The following EPB41L2 variants were observed in gnomAD, a reference collection of about 807,000 sequenced individuals.
EPB41L2 encodes erythrocyte membrane protein band 4.1 like 2, also known as band 4.1-like protein 2.
Under a neutral mutation model 113.0 loss-of-function variants are expected in EPB41L2, and 43 were observed. The observed-to-expected ratio is 0.38, with a 90% confidence interval of 0.30 to 0.49. EPB41L2 has a LOEUF of 0.49. Among genes scored for constraint, EPB41L2 ranks in the 20% least tolerant of loss-of-function variants. EPB41L2 has a pLI of 0.95. For synonymous variants in EPB41L2, 442 were observed against 436.7 expected, an observed-to-expected ratio of 1.01 and a Z score of -0.15; for missense variants, 1,147 against 1,223.4, an observed-to-expected ratio of 0.94 and a Z score of 0.93.
intron 1 of EPB41L2, among the ~76,000 whole-genome samples, chr6:131,025,209 C>G (rs1225460275): frequency 6.6e-6 from 1 of 152,244 alleles, no homozygotes; most frequent in East Asian, 1.9e-4. Flanking sequence ...TGTTTCCCCC[C>G]CGGTATGACT....
chr6:130,920,698 C>T (rs771641243), intron 4 of EPB41L2, among the ~76,000 whole-genome samples: 6 of 152,014 alleles, frequency 3.9e-5, no homozygotes, highest in Non-Finnish European at 7.4e-5. Context: ...TTTCTAGAGA[C>T]AGAGTCTCAC....
intron 1 of EPB41L2, among the ~76,000 whole-genome samples, chr6:130,979,251 T>G (rs1778830262): frequency 6.6e-6 from 1 of 152,026 alleles, no homozygotes; most frequent in Admixed American, 6.6e-5. Context: ...TTTGGGAGGC[T>G]GTGGTGGGTT....
chr6:130,856,750 T>C (rs1373179595), intron 19 of EPB41L2, among the ~76,000 whole-genome samples: 3 of 152,238 alleles, frequency 2.0e-5, no homozygotes, highest in Non-Finnish European at 2.9e-5. Flanking sequence ...GTATGTGTTA[T>C]TGTGTGATAA....
At chr6:130,875,752 A>G (rs1023226117) in intron 14 of EPB41L2, among the ~76,000 whole-genome samples, 1 of 152,118 alleles carries the variant, frequency 6.6e-6, no homozygotes, top group African/African-American at 2.4e-5. Context: ...TAATCCTAGC[A>G]CTTTGGGAGA....
At chr6:130,889,694 T>G (rs1792150261) in intron 11 of EPB41L2, among the ~76,000 whole-genome samples, 2 of 152,122 alleles carry the variant, frequency 1.3e-5, no homozygotes, top group Non-Finnish European at 1.5e-5. Context: ...TAGAATTACA[T>G]TTTGCCATTA....
chr6:130,855,868 C>T lies in EPB41L2; in HGVS notation c.*5+2263G>A, dbSNP rs138560125. 3.3e-3 allele frequency among the ~76,000 whole-genome samples: 487 copies of T among 145,752 alleles called. 1 individual carries two copies. Among genetic ancestry groups the T allele is most frequent in the African/African-American group, 0.012 (465 of 38,990 alleles). ...CAAGAATGAAGAAAAAGAACACTAT[C>T]GGTGGTGGGGGGAGGGGGTGCAGGG... On this transcript the variant is annotated intron_variant, in intron 19 of 19. Coordinates refer to ENST00000337057, the MANE Select transcript of EPB41L2 (RefSeq NM_001431.4).
Position 130,869,718 on chromosome 6 carries a change from C to T in EPB41L2, c.2452G>A (p.Val818Ile), listed in dbSNP as rs1017267480. ...TCTCCGGGTATCTTTTGGGCACCTA[C>T]ATTTTCCTGGATCACTGTTTCTACT... ...ITVETVIQEN[V>I]GAQKIPGEKS... The change falls in exon 15 of 20, where the codon GTA becomes ATA. Residue 818 changes from valine (V) to isoleucine (I), a missense_variant. Physicochemically the swap from Val to Ile is conservative, Grantham distance 29 (BLOSUM62 3). Transcript: ENST00000337057. 5 of 1,614,056 alleles carry T rather than the reference C, an allele frequency of 3.1e-6. 1 individual carries two copies. In the Admixed American group the frequency reaches 5.0e-5, roughly 16 times the overall value.
At chr6:130,995,928 C>T (rs1782992012) in intron 1 of EPB41L2, among the ~76,000 whole-genome samples, 1 of 152,190 alleles carries the variant, frequency 6.6e-6, no homozygotes, top group Admixed American at 6.5e-5. Flanking sequence ...CATATTGGAA[C>T]ATATAAATTC....
chr6:130,969,521 C>T (rs142157281), intron 1 of EPB41L2, among the ~76,000 whole-genome samples: 6 of 152,248 alleles, frequency 3.9e-5, no homozygotes, highest in Middle Eastern at 3.4e-3. Context: ...AATGTGACAA[C>T]CAATTAAATA....
intron 14 of EPB41L2, among the ~76,000 whole-genome samples, chr6:130,871,877 T>C (rs1448843280): frequency 6.6e-6 from 1 of 152,216 alleles, no homozygotes; most frequent in Non-Finnish European, 1.5e-5. Context: ...ATTATTATTA[T>C]TGTTATATCT....
intron 17 of EPB41L2, among the ~76,000 whole-genome samples, chr6:130,864,893 A>G (rs565099762): frequency 2.6e-5 from 4 of 152,240 alleles, no homozygotes; most frequent in Non-Finnish European, 5.9e-5. Context: ...AGTGGAAAAT[A>G]AGGCTGGAGT....
chr6:130,926,581 A>G (rs775306191), intron 4 of EPB41L2, 24 bp downstream of exon 4: 5 of 1,485,814 alleles, frequency 3.4e-6, no homozygotes, highest in Non-Finnish European at 4.6e-6. Context: ...CTAAAAAGAT[A>G]AAAATAAACT....
intron 3 of EPB41L2, among the ~76,000 whole-genome samples, chr6:130,952,518 A>G (rs1309148139): frequency 2.0e-5 from 3 of 152,068 alleles, no homozygotes; most frequent in Non-Finnish European, 2.9e-5. Context: ...GACTTTGGCA[A>G]TGTCTTAAAT....
In EPB41L2 at chr6:130,869,618, C is replaced by T. The variant is rs180705552; in HGVS notation, c.2552G>A (p.Gly851Glu). 5 of 1,614,184 alleles carry T rather than the reference C, an allele frequency of 3.1e-6. No homozygotes were observed. The East Asian group carries it at 1.1e-4, about 36-fold the overall frequency. ...ATCAATGTCAACATGGGACACCTCT[C>T]CGTTAACTTTCTGTGGCTCTTCCTC... ...EAEEEPQKVN[G>E]EVSHVDIDVL... Residue 851 changes from glycine (G) to glutamate (E), a missense_variant, in exon 15 of 20, where the codon GGA (glycine) becomes GAA (glutamate). Gly to Glu is a moderately conservative substitution (Grantham distance 98, BLOSUM62 -2). Coordinates refer to ENST00000337057, the MANE Select transcript of EPB41L2 (RefSeq NM_001431.4).
At chr6:131,023,714 CGTGT>C (rs57842026) in intron 1 of EPB41L2, among the ~76,000 whole-genome samples, 3 of 142,118 alleles carry the variant, frequency 2.1e-5, no homozygotes, top group African/African-American at 2.6e-5. Flanking sequence ...AAAATGTGTG[CGTGT>C]GTGTGTGTGT....
Position 130,869,658 on chromosome 6 carries a change from T to G in EPB41L2, c.2512A>C (p.Met838Leu). 6.2e-7 allele frequency: 1 copy of G among 1,614,198 alleles called. No individual in the cohort carries two copies. Among genetic ancestry groups the G allele is most frequent in the Non-Finnish European group, 8.5e-7 (1 of 1,180,030 alleles). Residue 838 changes from methionine (M) to leucine (L), a missense_variant, in exon 15 of 20, where the codon ATG becomes CTG. Coordinates refer to ENST00000337057, the MANE Select transcript of EPB41L2 (RefSeq NM_001431.4). ...SVHEGALKQD[M>L]GEEAEEEPQK... is the part of the protein sequence containing the mutation. ...GGCTCTTCCTCTGCTTCTTCTCCCA[T>G]GTCTTGCTTAAGAGCGCCTTCGTGT...
intron 1 of EPB41L2, among the ~76,000 whole-genome samples, chr6:131,038,077 TTC>T (rs1256310856): frequency 6.6e-6 from 1 of 152,180 alleles, no homozygotes; most frequent in Non-Finnish European, 1.5e-5. Context: ...ATTTTTATAT[TTC>T]TTTTTATTTT....
intron 1 of EPB41L2, among the ~76,000 whole-genome samples, chr6:130,992,956 C>T (rs1782234099): frequency 6.6e-6 from 1 of 152,158 alleles, no homozygotes; most frequent in Non-Finnish European, 1.5e-5. Flanking sequence ...GTCTGTCTTA[C>T]TGTGAACTCA....
At position 130,955,154 on chromosome 6, in the gene EPB41L2, T is replaced by C. The variant is rs780237457; in HGVS notation, c.656A>G (p.Gln219Arg). 10 of 1,614,084 alleles carry C rather than the reference T, an allele frequency of 6.2e-6. No homozygotes were observed. The highest frequency in any genetic ancestry group is 3.3e-5 in the Admixed American group (2 of 60,006). The change falls in exon 3 of 20, where the codon CAG becomes CGG. Residue 219 changes from glutamine (Q) to arginine (R), a missense_variant. Transcript: ENST00000337057. ...QKVTKKTKTVQCKVTLLDGTE... is the reference protein window; with the variant it reads ...QKVTKKTKTVRCKVTLLDGTE... Reference sequence around the variant, plus strand: ...GCCATCTAAGAGGGTCACTTTACACTGGACAGTTTTGGTCTTCTTGGTGAC... The same window carrying C: ...GCCATCTAAGAGGGTCACTTTACACCGGACAGTTTTGGTCTTCTTGGTGAC...
Sources: gnomAD v4.1 joint callset for allele counts (sites outside exome capture counted in the v4.1 genomes callset) on GRCh38, gnomAD v4.1.1 for gene constraint, MANE v1.5 for transcripts, NCBI Gene and HGNC (gene_info 2026-07-23, HGNC 2026-07-21) for gene names.